Variants in MSH3 observed in about 807,000 individuals in gnomAD.
MSH3 encodes the protein mutS homolog 3, also known as DNA mismatch repair protein Msh3.
Under a neutral mutation model 123.3 loss-of-function variants are expected in MSH3, and 106 were observed. That is an observed-to-expected ratio of 0.86 (90% CI 0.73 to 1.01). The LOEUF (loss-of-function observed/expected upper bound fraction) is 1.01, where lower values mean the gene tolerates loss of function less well. Among genes scored for constraint, MSH3 ranks in the 50% least tolerant of loss-of-function variants. The pLI is 0.00. For missense variants in MSH3, 1,459 were observed against 1,347.6 expected (o/e 1.08, Z -1.29); for synonymous variants, 515 against 481.4 (o/e 1.07, Z -0.91).
intron 8 of MSH3, among the ~76,000 whole-genome samples, chr5:80,710,477 T>C (rs1750836982): frequency 6.6e-6 from 1 of 152,188 alleles, no homozygotes; most frequent in African/African-American, 2.4e-5. Context: ...TGAATTTCTC[T>C]CTGGTGGTAA....
intron 8 of MSH3, among the ~76,000 whole-genome samples, chr5:80,722,421 A>G (rs1751101250): frequency 6.6e-6 from 1 of 152,238 alleles, no homozygotes; most frequent in African/African-American, 2.4e-5. Context: ...ATATACCTAC[A>G]TCAATATACA....
At position 80,716,662 on chromosome 5, in the gene MSH3, A is replaced by G. The variant is rs564525545; in HGVS notation, c.1341-8791A>G. ...ACATGTGATATTTTCATATGTGTAT[A>G]CAATGTATAATTATAAAATCAGGTG... On this transcript the variant is annotated intron_variant, in intron 8 of 23. Coordinates refer to ENST00000265081, the MANE Select transcript of MSH3 (RefSeq NM_002439.5). 2.0e-5 allele frequency among the ~76,000 whole-genome samples: 3 copies of G among 152,316 alleles called. 1 individual carries two copies. The highest frequency in any genetic ancestry group is 1.5e-5 in the Non-Finnish European group (1 of 68,024).
At chr5:80,815,917 C>G (rs1015907550) in intron 20 of MSH3, among the ~76,000 whole-genome samples, 1 of 152,112 alleles carries the variant, frequency 6.6e-6, no homozygotes, top group Admixed American at 6.5e-5. Flanking sequence ...TAACAGCCAA[C>G]CTTTATGATA....
intron 17 of MSH3, among the ~76,000 whole-genome samples, chr5:80,784,034 AC>A (rs1744454635): frequency 6.6e-6 from 1 of 151,382 alleles, no homozygotes; most frequent in Non-Finnish European, 1.5e-5. Context: ...ACATGGGGAA[AC>A]CCCGTCTCTA....
chr5:80,874,652 A>G (rs1194745766), intron 23 of MSH3, among the ~76,000 whole-genome samples: 1 of 152,226 alleles, frequency 6.6e-6, no homozygotes, highest in African/African-American at 2.4e-5. Context: ...TATATATACA[A>G]GATAGTAATA....
At chr5:80,693,841 G>C (rs539276921) in intron 8 of MSH3, among the ~76,000 whole-genome samples, 1 of 152,032 alleles carries the variant, frequency 6.6e-6, no homozygotes, top group Non-Finnish European at 1.5e-5. Context: ...CATATTTTTA[G>C]TAGAGATGGG....
At position 80,654,922 on chromosome 5, in the gene MSH3, G is replaced by A. The variant is rs761734241; in HGVS notation, c.195G>A (p.Ala65=). The change falls in exon 1 of 24, where the codon GCG becomes GCA. Residue 65 remains alanine (A), a synonymous_variant. Coordinates refer to ENST00000265081, the MANE Select transcript of MSH3 (RefSeq NM_002439.5). Reference sequence around the variant, plus strand: ...CCGCAGCGGCCGCAGCGCCCCCAGCGCCCCCAGCTCCCGCCTTCCCGCCCC... The same window carrying A: ...CCGCAGCGGCCGCAGCGCCCCCAGCACCCCCAGCTCCCGCCTTCCCGCCCC... ...AAAAAAAAPP[A]PPAPAFPPQL... is the part of the protein sequence containing the mutation. The A allele has an allele frequency of 3.9e-6, 6 of 1,531,964 alleles. No individual in the cohort carries two copies. Among genetic ancestry groups the A allele is most frequent in the East Asian group, 2.6e-5 (1 of 38,206 alleles). The allele number at this position is 1,531,964 out of a possible 1,614,324, so 94.9% of individuals were successfully genotyped here. A position where few individuals can be genotyped will look rare whatever the true frequency, so the allele number is the denominator to read the frequency against.
chr5:80,816,098 T>G (rs1197083541), intron 20 of MSH3, among the ~76,000 whole-genome samples: 3 of 152,202 alleles, frequency 2.0e-5, no homozygotes, highest in Non-Finnish European at 4.4e-5. Context: ...TATTCATTCA[T>G]CCAACATGTA....
At chr5:80,847,027 G>C (rs1405162546) in intron 20 of MSH3, among the ~76,000 whole-genome samples, 2 of 89,886 alleles carry the variant, frequency 2.2e-5, no homozygotes, top group Non-Finnish European at 4.9e-5. Context: ...GACTGGAGCT[G>C]TTCCTATTTA....
chr5:80,843,216 G>A (rs1745658077), intron 20 of MSH3, among the ~76,000 whole-genome samples: 1 of 152,176 alleles, frequency 6.6e-6, no homozygotes, highest in African/African-American at 2.4e-5. Context: ...TTACTGATTT[G>A]TGTATGTTGA....
chr5:80,805,101 T>C (rs1744863884), intron 19 of MSH3, among the ~76,000 whole-genome samples: 1 of 152,210 alleles, frequency 6.6e-6, no homozygotes, highest in Admixed American at 6.5e-5. Context: ...AAGTTTTTAT[T>C]TGAAGTTTGT....
At chr5:80,714,753 A>G (rs1255011922) in intron 8 of MSH3, among the ~76,000 whole-genome samples, 2 of 151,832 alleles carry the variant, frequency 1.3e-5, no homozygotes, top group African/African-American at 4.9e-5. Flanking sequence ...TGTTCACTCT[A>G]GGAACTTGTC....
chr5:80,840,746 GC>G (rs1434800816), intron 20 of MSH3, among the ~76,000 whole-genome samples: 4 of 144,974 alleles, frequency 2.8e-5, no homozygotes, highest in Non-Finnish European at 6.0e-5. Flanking sequence ...CCCTCCCCCA[GC>G]CCCCTACCCC....
At chr5:80,836,100 A>G (rs986930845) in intron 20 of MSH3, among the ~76,000 whole-genome samples, 1 of 152,182 alleles carries the variant, frequency 6.6e-6, no homozygotes, top group East Asian at 1.9e-4. Flanking sequence ...GTTTTTTAGA[A>G]TAAACTCAGC....
At chr5:80,679,239 T>A in intron 8 of MSH3, 146 bp downstream of exon 8, 1 of 869,158 alleles carries the variant, frequency 1.2e-6, no homozygotes, top group Non-Finnish European at 1.8e-6. Context: ...AAAAAAAAAG[T>A]AAAACAACAA....
At chr5:80,672,677 C>A in intron 5 of MSH3, 64 bp from the exon 6 acceptor site, 1 of 1,277,380 alleles carries the variant, frequency 7.8e-7, no homozygotes, top group Non-Finnish European at 1.1e-6. Context: ...TTAAACATTT[C>A]GAAATGAGTT....
At chr5:80,725,314 TTCTC>T (rs1341892464) in intron 8 of MSH3, 135 bp from the exon 9 acceptor site, 3 of 632,372 alleles carry the variant, frequency 4.7e-6, no homozygotes, top group South Asian at 3.9e-5. Flanking sequence ...AGCTCTTTCT[TTCTC>T]TCTCTTTCTT....
At chr5:80,729,413 CA>C (rs71603562) in intron 10 of MSH3, among the ~76,000 whole-genome samples, 32 of 66,240 alleles carry the variant, frequency 4.8e-4, no homozygotes, top group African/African-American at 1.3e-3. Flanking sequence ...GACTCCGTCC[CA>C]AAAAAAAAAA....
intron 1 of MSH3, 60 bp downstream of exon 1, chr5:80,655,024 A>G: frequency 9.2e-7 from 1 of 1,086,696 alleles, no homozygotes; most frequent in Non-Finnish European, 1.2e-6. Context: ...GCTTGTGGGT[A>G]AGGCGGGCGG....
Sources: gnomAD v4.1 joint callset for allele counts (sites outside exome capture counted in the v4.1 genomes callset) on GRCh38, gnomAD v4.1.1 for gene constraint, MANE v1.5 for transcripts, NCBI Gene and HGNC (gene_info 2026-07-23, HGNC 2026-07-21) for gene names.